Variants in ATG9B observed in about 807,000 individuals in gnomAD.
ATG9B encodes autophagy related 9B.
In ATG9B, 92 loss-of-function variants were observed where a neutral mutation model predicts 92.9. That is an observed-to-expected ratio of 0.99 (90% CI 0.84 to 1.18). The LOEUF (loss-of-function observed/expected upper bound fraction) is 1.18, where lower values mean the gene tolerates loss of function less well. Ranked by LOEUF, ATG9B falls within the 50% of genes most tolerant of loss-of-function variation. The pLI, the probability that ATG9B is intolerant of heterozygous loss-of-function variation, is 0.00. For synonymous variants in ATG9B, 599 were observed against 551.4 expected (o/e 1.09, Z -1.21); for missense variants, 1,344 against 1,235.0 (o/e 1.09, Z -1.32).
intron 5 of ATG9B, chr7:151,019,701 C>A: frequency 3.5e-6 from 1 of 283,792 alleles, no homozygotes; most frequent in Non-Finnish European, 6.6e-6. Flanking sequence ...CCTTAAGGGC[C>A]TGAGGCCCCC....
At position 151,016,458 on chromosome 7, in the gene ATG9B, C is replaced by T. The variant is rs1795489164; in HGVS notation, c.2493G>A (p.Met831Ile). ...GGTGCAGGTAGATGACATGGAGACT[C>T]ATCTCGGCAGAAGCAAGTTCTGGGA... ...AQLPELASAE[M>I]SLHVIYLHQL... is the part of the protein sequence containing the mutation. The change falls in exon 11 of 14, where the codon ATG (methionine) becomes ATA (isoleucine). Residue 831 changes from methionine to isoleucine, a missense_variant. Met to Ile is a conservative substitution (Grantham distance 10). Transcript: ENST00000639579. The T allele has an allele frequency of 1.3e-6, 2 of 1,551,548 alleles. No homozygotes were observed. Among genetic ancestry groups the T allele is most frequent in the East Asian group, 2.4e-5 (1 of 40,918 alleles).
In ATG9B at chr7:151,018,404, G is replaced by T; in HGVS notation, c.1762C>A (p.Leu588Ile). Residue 588 changes from leucine to isoleucine, a missense_variant, in exon 7 of 14, where the codon CTC becomes ATC. Transcript: ENST00000639579. This position sits in a 1 kb window ranked among gnomAD's most constrained non-coding sequence, Gnocchi z 4.7. ...TGGGCCAGGGCTGTCTGCAGCAGGAGCTGCGGCGCACGACCCTGGCACTGC... is the reference window on the plus strand; with the variant it reads ...TGGGCCAGGGCTGTCTGCAGCAGGATCTGCGGCGCACGACCCTGGCACTGC... ...EEQCQGRAPQLLLQTALAHMH... is the reference protein window; with the variant it reads ...EEQCQGRAPQILLQTALAHMH... 6.4e-7 allele frequency: 1 copy of T among 1,563,426 alleles called. No homozygotes were observed. The highest frequency in any genetic ancestry group is 8.7e-7 in the Non-Finnish European group (1 of 1,155,352).
chr7:151,023,946 C>T lies in ATG9B; in HGVS notation c.478G>A (p.Glu160Lys). Residue 160 changes from glutamate (E) to lysine (K), a missense_variant, in exon 1 of 14, where the codon GAG (glutamate) becomes AAG (lysine). Physicochemically the swap from Glu to Lys is moderately conservative, Grantham distance 56. Transcript: ENST00000639579. ...TGGATGGGTGAGTCTTGGGACCCCTCAGGGTCACAGTCCTCCAGCCGCTCA... is the reference window on the plus strand; with the variant it reads ...TGGATGGGTGAGTCTTGGGACCCCTTAGGGTCACAGTCCTCCAGCCGCTCA... ...DYERLEDCDP[E>K]GSQDSPIHGE... The T allele has an allele frequency of 6.3e-7, 1 of 1,590,158 alleles. No homozygotes were observed. Among genetic ancestry groups the T allele is most frequent in the Non-Finnish European group, 8.6e-7 (1 of 1,168,534 alleles).
chr7:151,023,747 G>C lies in ATG9B; in HGVS notation c.551-17C>G, dbSNP rs371451357. 5.0e-5 allele frequency: 80 copies of C among 1,613,962 alleles called. 1 individual carries two copies. In the African/African-American group the frequency reaches 9.3e-4, roughly 19 times the overall value. ...GCCAGGAGCCTGGGCACAGAGGGGA[G>C]AGTGTCAGCCCCTGGCATGTGATCA... On this transcript the variant is annotated splice_polypyrimidine_tract_variant and intron_variant, in intron 1 of 13. Transcript: ENST00000639579.
At position 151,018,813 on chromosome 7, in the gene ATG9B, G is replaced by T; in HGVS notation, c.1525C>A (p.Pro509Thr). ...LRARLARAYR[P>T]AAAFLRTAAP... ...GCGGTGCGCAGGAAGGCGGCGGCGG[G>T]GCGGTAGGCGCGGGCCAGGCGCGCG... The change falls in exon 6 of 14, where the codon CCC becomes ACC. Residue 509 changes from proline to threonine, a missense_variant. Physicochemically the swap from Pro to Thr is conservative, Grantham distance 38. Transcript: ENST00000639579. This position sits in a 1 kb window ranked among gnomAD's most constrained non-coding sequence, Gnocchi z 4.7. 7.7e-7 allele frequency: 1 copy of T among 1,293,324 alleles called. No homozygotes were observed. Among genetic ancestry groups the T allele is most frequent in the Non-Finnish European group, 9.8e-7 (1 of 1,023,610 alleles). The allele number at this position is 1,293,324 out of a possible 1,614,324, so 80.1% of individuals were successfully genotyped here.
rs1714561469 is a variant in ATG9B, at chr7:151,017,234, C to T, written c.2091G>A (p.Gln697=). 1.2e-6 allele frequency: 2 copies of T among 1,607,822 alleles called. No individual in the cohort carries two copies. Among genetic ancestry groups the T allele is most frequent in the Middle Eastern group, 1.7e-4 (1 of 6,052 alleles). Residue 697 remains glutamine, a synonymous_variant, in exon 9 of 14, where the codon CAG becomes CAA. Coordinates refer to ENST00000639579, the MANE Select transcript of ATG9B (RefSeq NM_001317056.2). The part of the protein sequence containing the change: ...SAGQTEASLS[Q]RAEDGKTELS... The stretch of plus-strand genomic sequence containing the variant: ...GCTCAGTCTTGCCGTCCTCCGCACG[C>T]TGAGACAGCGAGGCCTCAGTCTGTC...
downstream of ATG9B, chr7:151,012,896 TA>T (rs1305467584): frequency 2.7e-6 from 1 of 368,190 alleles, no homozygotes; most frequent in African/African-American, 2.1e-5. Flanking sequence ...GGAGGAGAGT[TA>T]TAAGTATGGG....
rs150012847 is a variant in ATG9B at position 151,017,125 on chromosome 7, G to C, written c.2200C>G (p.Arg734Gly). The C allele has an allele frequency of 3.1e-6, 5 of 1,612,618 alleles. No individual in the cohort carries two copies. The Admixed American group carries it at 8.3e-5, about 27-fold the overall frequency. Reference protein sequence around the residue: ...SSKFLGHLWGRVQQDAAAWGA... With the variant: ...SSKFLGHLWGGVQQDAAAWGA... Reference sequence around the variant, plus strand: ...CAGGCAGCTGCATCTTGTTGTACTCGGCCCCAGAGGTGCCCAAGAAACTTA... The same window carrying C: ...CAGGCAGCTGCATCTTGTTGTACTCCGCCCCAGAGGTGCCCAAGAAACTTA... Residue 734 changes from arginine to glycine, a missense_variant, in exon 9 of 14, where the codon CGA (arginine) becomes GGA (glycine). Arg to Gly is a moderately radical substitution (Grantham distance 125). Coordinates refer to ENST00000639579, the MANE Select transcript of ATG9B (RefSeq NM_001317056.2).
At chr7:151,013,697 G>T (rs752849729), downstream of ATG9B, 19 of 1,535,492 alleles carry the variant, frequency 1.2e-5, no homozygotes, top group Non-Finnish European at 1.7e-5. Context: ...CCCCACCAGG[G>T]CCCGCCCTAA....
In ATG9B at chr7:151,018,778, G is replaced by T. The variant is rs773818811; in HGVS notation, c.1560C>A (p.Pro520=). 2.8e-6 allele frequency: 4 copies of T among 1,442,254 alleles called. No homozygotes were observed. Among genetic ancestry groups the T allele is most frequent in the East Asian group, 3.0e-5 (1 of 33,698 alleles). 89.3% of individuals were successfully genotyped at this position (1,442,254 alleles called of 1,614,324 possible). A position where few individuals can be genotyped will look rare whatever the true frequency, so the allele number is the denominator to read the frequency against. ...AAAFLRTAAP[P]APLRTLLARQ... is the part of the protein sequence containing the mutation. ...GGGCCAGCAGCGTGCGCAGGGGCGC[G>T]GGGGGCGCAGCGGTGCGCAGGAAGG... is the stretch of plus-strand genomic sequence containing the variant. Residue 520 remains proline, a synonymous_variant, in exon 6 of 14, where the codon CCC becomes CCA. Transcript: ENST00000639579. This position sits in a 1 kb window ranked among gnomAD's most constrained non-coding sequence, Gnocchi z 4.7.
intron 1 of ATG9B, 48 bp downstream of exon 1, chr7:151,023,826 A>G (rs1244106427): frequency 1.2e-6 from 2 of 1,610,208 alleles, no homozygotes; most frequent in Non-Finnish European, 1.7e-6. Flanking sequence ...TAAGTACTGG[A>G]GCTCCCAGGC....
At chr7:151,013,263 G>A, downstream of ATG9B, 1 of 1,613,900 alleles carries the variant, frequency 6.2e-7, no homozygotes, top group Non-Finnish European at 8.5e-7. Flanking sequence ...TTTGGTGTTC[G>A]GCTGCCGATG....
downstream of ATG9B, chr7:151,014,209 T>C (rs1197856004): frequency 6.4e-7 from 1 of 1,564,060 alleles, no homozygotes; most frequent in African/African-American, 1.4e-5. Flanking sequence ...GGAGAGCGGC[T>C]GCCCGACTCA....
Position 151,021,480 on chromosome 7 carries a change from G to A in ATG9B, c.822-151C>T, listed in dbSNP as rs1329129788. 9 of 1,033,104 alleles carry A rather than the reference G, an allele frequency of 8.7e-6. No homozygotes were observed. In the South Asian group the frequency reaches 1.2e-4, roughly 14 times the overall value. 64.0% of individuals were successfully genotyped at this position (1,033,104 alleles called of 1,614,324 possible). ...GTAGAGCCCGGGGCAGGGGGTGGGT[G>A]CTGAAGTGGCCTTCACAAATGTGCA... On this transcript the variant is annotated intron_variant, in intron 4 of 13. Transcript: ENST00000639579.
chr7:151,014,588 A>C, downstream of ATG9B: 1 of 169,638 alleles, frequency 5.9e-6, no homozygotes, highest in Non-Finnish European at 1.2e-5. Context: ...ACCCCAGCTC[A>C]TGTGGATTAC....
At position 151,023,445 on chromosome 7, in the gene ATG9B, C is replaced by T. The variant is rs200055248; in HGVS notation, c.659G>A (p.Gly220Glu). The T allele has an allele frequency of 5.0e-6, 8 of 1,612,890 alleles. No individual in the cohort carries two copies. The African/African-American group carries it at 9.3e-5, about 19-fold the overall frequency. Residue 220 changes from glycine to glutamate, a missense_variant and splice_region_variant, in exon 3 of 14, where the codon GGA (glycine) becomes GAA (glutamate). Coordinates refer to ENST00000639579, the MANE Select transcript of ATG9B (RefSeq NM_001317056.2). ...TCCGGGCCCGGGCTAAGCGTCTCAC[C>T]CCAGCTGGAAGACATCCTCCAGCAA... ...CILLEDVFQL[G>E]QFIFIVTFTT... is the part of the protein sequence containing the mutation.
chr7:151,022,960 A>T (rs754925661), intron 4 of ATG9B, 85 bp downstream of exon 4: 205 of 1,552,330 alleles, frequency 1.3e-4, no homozygotes, highest in Non-Finnish European at 1.8e-4. Flanking sequence ...GCTGATCTAG[A>T]TGACGGGACA....
intron 13 of ATG9B, 83 bp from the exon 14 acceptor site, chr7:151,015,796 C>T: frequency 1.4e-6 from 2 of 1,466,494 alleles, no homozygotes; most frequent in South Asian, 1.4e-5. Flanking sequence ...CAAATTCCCA[C>T]CACTGCTCCC....
Position 151,017,194 on chromosome 7 carries a change from A to G in ATG9B, c.2131T>C (p.Phe711Leu), listed in dbSNP as rs1453422262. The G allele has an allele frequency of 1.3e-5, 21 of 1,612,920 alleles. No individual in the cohort carries two copies. The highest frequency in any genetic ancestry group is 1.8e-5 in the Non-Finnish European group (21 of 1,179,640). Residue 711 changes from phenylalanine to leucine, a missense_variant, in exon 9 of 14, where the codon TTC becomes CTC. By Grantham distance (22) the Phe-to-Leu change is conservative. Coordinates refer to ENST00000639579, the MANE Select transcript of ATG9B (RefSeq NM_001317056.2). ...DGKTELSLMR[F>L]SLAHPLWRPP... Reference sequence around the variant, plus strand: ...CGCCAGAGTGGATGCGCCAGGGAGAACCGCATCAAAGAAAGCTCAGTCTTG... The same window carrying G: ...CGCCAGAGTGGATGCGCCAGGGAGAGCCGCATCAAAGAAAGCTCAGTCTTG...
Sources: allele counts gnomAD v4.1 joint callset, GRCh38; gene constraint gnomAD v4.1.1; non-coding constraint Gnocchi (gnomAD v3.1); transcripts MANE v1.5; gene names NCBI Gene and HGNC (gene_info 2026-07-23, HGNC 2026-07-21).